Variants in STMN3 observed in about 807,000 individuals in gnomAD.
STMN3 encodes the protein stathmin-3.
STMN3 carries 24 observed loss-of-function variants against 23.2 expected under a neutral mutation model. The ratio of observed to expected loss-of-function variants is 1.03; its 90% CI spans 0.75 to 1.45. STMN3 has a LOEUF of 1.45. STMN3 is among the 40% of genes most tolerant of loss of function. STMN3 has a pLI of 0.00. For missense variants in STMN3, 235 were observed against 237.6 expected, an observed-to-expected ratio of 0.99 and a Z score of 0.07; for synonymous variants, 117 against 103.4, an observed-to-expected ratio of 1.13 and a Z score of -0.80.
chr20:63,641,414 G>T lies in STMN3; in HGVS notation c.484-17C>A. 6.4e-7 allele frequency: 1 copy of T among 1,558,792 alleles called. No individual in the cohort carries two copies. On this transcript the variant is annotated splice_polypyrimidine_tract_variant and intron_variant, in intron 4 of 4. Transcript: ENST00000370053. Reference sequence around the variant, plus strand: ...GTGCAGCTCCTGCAGGACAGGGGGCGGGAGGGCCTGAGGGCGGGGGTGGCT... The same window carrying T: ...GTGCAGCTCCTGCAGGACAGGGGGCTGGAGGGCCTGAGGGCGGGGGTGGCT...
At chr20:63,642,491 G>C (rs1448325161) in intron 3 of STMN3, among the ~76,000 whole-genome samples, 192 bp from the exon 4 acceptor site, 2 of 151,784 alleles carry the variant, frequency 1.3e-5, no homozygotes, top group Non-Finnish European at 2.9e-5. Flanking sequence ...CCTGTGGTCG[G>C]GGCAGGGCCA....
At chr20:63,642,405 C>T (rs543673816) in intron 3 of STMN3, 106 bp from the exon 4 acceptor site, 5 of 713,854 alleles carry the variant, frequency 7.0e-6, no homozygotes, top group African/African-American at 1.9e-5. Context: ...CCTCACCTGG[C>T]GCCTCCACCT....
At chr20:63,642,426 C>G in intron 3 of STMN3, 127 bp from the exon 4 acceptor site, 3 of 395,984 alleles carry the variant, frequency 7.6e-6, no homozygotes, top group Non-Finnish European at 1.3e-5. Context: ...GCCCAGGCCT[C>G]GGTGGGCGCC....
At chr20:63,645,181 C>T (rs369360204) in intron 1 of STMN3, among the ~76,000 whole-genome samples, 14 of 152,312 alleles carry the variant, frequency 9.2e-5, no homozygotes, top group African/African-American at 2.4e-4. Flanking sequence ...TCCCACTCCT[C>T]GCCAGCTCAA....
At chr20:63,653,070 C>T (rs1291297935) in intron 1 of STMN3, among the ~76,000 whole-genome samples, 1 of 151,624 alleles carries the variant, frequency 6.6e-6, no homozygotes, top group Non-Finnish European at 1.5e-5. Flanking sequence ...TGGCACGCTG[C>T]TCCCCCAGGG....
intron 1 of STMN3, among the ~76,000 whole-genome samples, chr20:63,650,934 T>C (rs2089853916): frequency 7.4e-6 from 1 of 135,456 alleles, no homozygotes; most frequent in South Asian, 2.5e-4. Context: ...CTCTTTCGTC[T>C]TCTTCGTCTT....
rs111476975 is a variant in STMN3 at position 63,651,875 on chromosome 20, C to T, written c.19+1452G>A. Among the ~76,000 whole-genome samples, 123 of 152,268 alleles carry T rather than the reference C, an allele frequency of 8.1e-4. 1 individual carries two copies. The highest frequency in any genetic ancestry group is 2.9e-3 in the African/African-American group (121 of 41,568). ...TGCCCAGATGCCGAGATGCCCTCGC[C>T]CTCCCAGCTCAGCCCCAGGAACCGA... On this transcript the variant is annotated intron_variant, in intron 1 of 4. Transcript: ENST00000370053.
At chr20:63,644,125 C>A in intron 2 of STMN3, 89 bp downstream of exon 2, 1 of 1,387,816 alleles carries the variant, frequency 7.2e-7, no homozygotes, top group Non-Finnish European at 1.0e-6. Context: ...GCAGCCAGGA[C>A]GGGAGTTCAG....
intron 1 of STMN3, among the ~76,000 whole-genome samples, chr20:63,647,871 CGT>C (rs1417224757): frequency 1.8e-5 from 2 of 110,968 alleles, no homozygotes; most frequent in Non-Finnish European, 3.9e-5. Context: ...TATATATACA[CGT>C]GTATATATTA....
chr20:63,653,411 G>A lies in STMN3; in HGVS notation c.-66C>T. 6.6e-7 allele frequency: 1 copy of A among 1,509,852 alleles called. No individual in the cohort carries two copies. Among genetic ancestry groups the A allele is most frequent in the Non-Finnish European group, 8.9e-7 (1 of 1,124,352 alleles). The allele number at this position is 1,509,852 out of a possible 1,614,324, so 93.5% of individuals were successfully genotyped here. On this transcript the variant is annotated 5_prime_UTR_variant, in exon 1 of 5. Coordinates refer to ENST00000370053, the MANE Select transcript of STMN3 (RefSeq NM_015894.4). ...CAAGTGGCGGCCGGAGCTGCAGACGGCTGGTGCTGCAGTGCCGGGGAGGGG... is the reference window on the plus strand; with the variant it reads ...CAAGTGGCGGCCGGAGCTGCAGACGACTGGTGCTGCAGTGCCGGGGAGGGG...
At chr20:63,643,613 G>C (rs537145644) in intron 3 of STMN3, 143 bp downstream of exon 3, 1 of 1,355,966 alleles carries the variant, frequency 7.4e-7, no homozygotes, top group South Asian at 1.9e-5. Flanking sequence ...CTCAGAAAGA[G>C]GCCCAGGGAG....
intron 1 of STMN3, among the ~76,000 whole-genome samples, chr20:63,647,752 TATA>T (rs1294815413): frequency 1.6e-5 from 2 of 125,746 alleles, no homozygotes; most frequent in African/African-American, 2.8e-5. Flanking sequence ...CGTGTATATA[TATA>T]ATATATATAC....
In STMN3 at chr20:63,652,591, C is replaced by A. The variant is rs548712466; in HGVS notation, c.19+736G>T. 8 of 985,264 alleles carry A rather than the reference C, an allele frequency of 8.1e-6. No homozygotes were observed. The highest frequency in any genetic ancestry group is 1.7e-5 in the African/African-American group (1 of 57,242). The allele number at this position is 985,264 out of a possible 1,614,324, so 61.0% of individuals were successfully genotyped here. The stretch of plus-strand genomic sequence containing the variant: ...GCGCTACCTTCGAAGGCGGTGGGTC[C>A]GCCCCGCGGGAGGTGGAGGGGCGGG... On this transcript the variant is annotated intron_variant, in intron 1 of 4. Coordinates refer to ENST00000370053, the MANE Select transcript of STMN3 (RefSeq NM_015894.4). This position sits in a 1 kb window ranked among gnomAD's most constrained non-coding sequence, Gnocchi z 5.3.
At chr20:63,647,644 A>ACG in intron 1 of STMN3, among the ~76,000 whole-genome samples, 1 of 137,814 alleles carries the variant, frequency 7.3e-6, no homozygotes, top group African/African-American at 2.8e-5. Context: ...ACATATATAT[A>ACG]TATACATGTA....
rs1384040993 is a variant in STMN3 at position 63,644,298 on chromosome 20, TCTC to T, written c.28_30del (p.Glu10del). ...GACAGCACCGACAGCTCCTTCATCTTCTCCTTGTAGGCTGTGGGCACAAGGCTG... is the reference window on the plus strand; with the variant it reads ...GACAGCACCGACAGCTCCTTCATCTTCTTGTAGGCTGTGGGCACAAGGCTG... On this transcript the variant is annotated inframe_deletion, in exon 2 of 5. Transcript: ENST00000370053. 8.7e-6 allele frequency: 14 copies of T among 1,612,556 alleles called. No homozygotes were observed. The South Asian group carries it at 1.1e-4, about 13-fold the overall frequency.
chr20:63,644,031 G>A (rs947098772), intron 2 of STMN3, 100 bp from the exon 3 acceptor site: 24 of 1,498,752 alleles, frequency 1.6e-5, no homozygotes, highest in South Asian at 8.4e-5. Context: ...AGGGCTGGGC[G>A]AGAGGGGGTG....
intron 1 of STMN3, among the ~76,000 whole-genome samples, chr20:63,646,432 G>A (rs962685777): frequency 8.6e-5 from 13 of 151,970 alleles, no homozygotes; most frequent in Non-Finnish European, 1.6e-4. Flanking sequence ...TCGGCTCACC[G>A]CAAGCTCCGC....
chr20:63,651,447 G>A (rs1208156456), intron 1 of STMN3, among the ~76,000 whole-genome samples: 2 of 152,150 alleles, frequency 1.3e-5, no homozygotes, highest in Non-Finnish European at 2.9e-5. Context: ...CTGACCCCTG[G>A]AGGGCCCTGG....
At chr20:63,647,674 C>CAT (rs1491238574) in intron 1 of STMN3, among the ~76,000 whole-genome samples, 1 of 103,080 alleles carries the variant, frequency 9.7e-6, no homozygotes, top group Admixed American at 1.1e-4. Context: ...TATATATATA[C>CAT]GTATATATAC....
Sources: allele counts gnomAD v4.1 joint callset (sites outside exome capture counted in the v4.1 genomes callset), GRCh38; gene constraint gnomAD v4.1.1; non-coding constraint Gnocchi (gnomAD v3.1); transcripts MANE v1.5; gene names NCBI Gene and HGNC (gene_info 2026-07-23, HGNC 2026-07-21).